Variants in TBC1D20 observed in about 807,000 individuals in gnomAD.
The protein encoded by TBC1D20 is TBC1 domain family member 20.
A neutral mutation model predicts 41.6 loss-of-function variants in TBC1D20; 12 were observed. The observed-to-expected ratio is 0.29, with a 90% CI of 0.18 to 0.47. The LOEUF is 0.47. Ranked by LOEUF, TBC1D20 falls within the 20% of genes least tolerant of loss-of-function variation. The pLI, the probability that TBC1D20 is intolerant of heterozygous loss-of-function variation, is 1.00. For missense variants in TBC1D20, 421 were observed against 517.4 expected (o/e 0.81, Z 1.81); for synonymous variants, 205 against 204.8 (o/e 1.00, Z -0.01).
intron 3 of TBC1D20, among the ~76,000 whole-genome samples, chr20:443,085 G>C (rs950192745): frequency 4.6e-5 from 7 of 152,110 alleles, no homozygotes; most frequent in Non-Finnish European, 8.8e-5. Flanking sequence ...GGGCGAGAGA[G>C]CAAGACTCCG....
intron 5 of TBC1D20, 77 bp downstream of exon 5, chr20:441,511 C>T: frequency 7.7e-7 from 1 of 1,296,128 alleles, no homozygotes; most frequent in South Asian, 1.2e-5. Context: ...CTGCGCTCGG[C>T]TTGTGAGGAG....
intron 5 of TBC1D20, 85 bp downstream of exon 5, chr20:441,501 CTG>C (rs781628279): frequency 2.0e-4 from 237 of 1,169,884 alleles, no homozygotes; most frequent in Non-Finnish European, 2.8e-4. Flanking sequence ...AATGAGGAAA[CTG>C]CGCTCGGCTT....
At chr20:442,149 T>C in intron 3 of TBC1D20, 106 bp from the exon 4 acceptor site, 1 of 1,082,986 alleles carries the variant, frequency 9.2e-7, no homozygotes, top group East Asian at 2.6e-5. Flanking sequence ...GAAAATGAAT[T>C]ACAAATAATT....
chr20:452,810 C>G (rs1332994969), intron 1 of TBC1D20, among the ~76,000 whole-genome samples: 3 of 152,164 alleles, frequency 2.0e-5, no homozygotes, highest in Non-Finnish European at 4.4e-5. Context: ...CAGCAATGTT[C>G]TAGTCTGAGG....
In TBC1D20 at chr20:445,071, A is replaced by G; in HGVS notation, c.316T>C (p.Ser106Pro). 6.2e-7 allele frequency: 1 copy of G among 1,605,228 alleles called. No homozygotes were observed. Among genetic ancestry groups the G allele is most frequent in the Non-Finnish European group, 8.5e-7 (1 of 1,174,864 alleles). ...TCACCAGGAGGGAACCGCCGCAATG[A>G]CCGCCGGACGTCCAGCAACACTTGT... is the stretch of plus-strand genomic sequence containing the variant. ...YQQVLLDVRR[S>P]LRRFPPGMPE... Residue 106 changes from serine (S) to proline (P), a missense_variant, in exon 3 of 8, where the codon TCA (serine) becomes CCA (proline). This residue lies in a region of TBC1D20 where 150 missense variants were observed against 151.3 expected (regional missense o/e 0.99). Coordinates refer to ENST00000354200, the MANE Select transcript of TBC1D20 (RefSeq NM_144628.4).
At chr20:441,535 G>T (rs1600329838) in intron 5 of TBC1D20, 53 bp downstream of exon 5, 2 of 1,449,552 alleles carry the variant, frequency 1.4e-6, no homozygotes, top group East Asian at 4.5e-5. Flanking sequence ...TTCAGGTGTG[G>T]GGGGGTGTGG....
chr20:462,338 G>A lies in TBC1D20; in HGVS notation c.68C>T (p.Ala23Val). The change falls in exon 1 of 8, where the codon GCA becomes GTA. Residue 23 changes from alanine to valine, a missense_variant and splice_region_variant. Coordinates refer to ENST00000354200, the MANE Select transcript of TBC1D20 (RefSeq NM_144628.4). ...SGHWDGGAEK[A>V]DFNAKRKKKV... ...GGCGCCCCGGTCGGCTTCCGTACCT[G>A]CCTTCTCCGCGCCGCCGTCCCAGTG... 1 of 1,304,734 alleles carries A rather than the reference G, an allele frequency of 7.7e-7. No individual in the cohort carries two copies. Among genetic ancestry groups the A allele is most frequent in the Non-Finnish European group, 9.8e-7 (1 of 1,016,664 alleles). The allele number at this position is 1,304,734 out of a possible 1,614,324, so 80.8% of individuals were successfully genotyped here.
At position 441,843 on chromosome 20, in the gene TBC1D20, C is replaced by T. The variant is rs377574203; in HGVS notation, c.524+14G>A. 21 of 1,611,110 alleles carry T rather than the reference C, an allele frequency of 1.3e-5. No homozygotes were observed. The African/African-American group carries it at 2.7e-4, about 20-fold the overall frequency. On this transcript the variant is annotated intron_variant, in intron 4 of 7. Transcript: ENST00000354200. ...GAGTGATGCCCGTCGTCTTGTGTTC[C>T]TCTCTACTGGTACCTGAGGTGGTGG...
intron 1 of TBC1D20, among the ~76,000 whole-genome samples, chr20:459,965 G>A (rs142109898): frequency 0.012 from 1,822 of 152,146 alleles, 37 homozygotes; most frequent in African/African-American, 0.042. Flanking sequence ...CACTGGGAAG[G>A]GACGATAACA....
At chr20:456,593 C>T (rs1207315654) in intron 1 of TBC1D20, among the ~76,000 whole-genome samples, 2 of 152,152 alleles carry the variant, frequency 1.3e-5, no homozygotes, top group South Asian at 2.1e-4. Flanking sequence ...GACGGAGTTA[C>T]GCTCTTTGTT....
chr20:456,756 G>GGGT (rs1276967752), intron 1 of TBC1D20, among the ~76,000 whole-genome samples: 2 of 151,006 alleles, frequency 1.3e-5, no homozygotes, highest in Non-Finnish European at 2.9e-5. Flanking sequence ...AGTGGAGACG[G>GGGT]GGTTTTGCCA....
intron 3 of TBC1D20, among the ~76,000 whole-genome samples, chr20:442,957 G>T (rs1198690046): frequency 6.6e-6 from 1 of 152,064 alleles, no homozygotes; most frequent in East Asian, 1.9e-4. Context: ...AAAATTAGCT[G>T]GGCGTGGTGG....
chr20:462,174 C>A (rs1308379211), intron 1 of TBC1D20, among the ~76,000 whole-genome samples, 162 bp downstream of exon 1: 3 of 151,170 alleles, frequency 2.0e-5, no homozygotes, highest in Non-Finnish European at 4.4e-5. Flanking sequence ...CTCTCCTCAT[C>A]AGACGTGCCC....
intron 1 of TBC1D20, 37 bp from the exon 2 acceptor site, chr20:448,111 C>A (rs1452200698): frequency 1.3e-6 from 2 of 1,501,258 alleles, no homozygotes; most frequent in Admixed American, 3.4e-5. Context: ...GGCGCACATT[C>A]AGCACGTGCA....
At position 456,088 on chromosome 20, in the gene TBC1D20, C is replaced by T. The variant is rs142768091; in HGVS notation, c.70+6248G>A. ...ACCCCAGGATTTGGAGAGCAACCAG[C>T]CTGCACAACATGGCAAAACCTTGTC... is the stretch of plus-strand genomic sequence containing the variant. On this transcript the variant is annotated intron_variant, in intron 1 of 7. Coordinates refer to ENST00000354200, the MANE Select transcript of TBC1D20 (RefSeq NM_144628.4). Among the ~76,000 whole-genome samples, 82 of 152,212 alleles carry T rather than the reference C, an allele frequency of 5.4e-4. 1 individual carries two copies. The East Asian group carries it at 0.015, about 28-fold the overall frequency.
At chr20:455,685 C>A (rs1235919942) in intron 1 of TBC1D20, among the ~76,000 whole-genome samples, 3 of 151,046 alleles carry the variant, frequency 2.0e-5, no homozygotes, top group African/African-American at 7.3e-5. Context: ...GTAATCCCAG[C>A]ACTTTGGGAA....
intron 2 of TBC1D20, among the ~76,000 whole-genome samples, chr20:446,958 T>C (rs1354720230): frequency 1.4e-5 from 2 of 144,596 alleles, no homozygotes; most frequent in African/African-American, 2.6e-5. Context: ...TTTTTTTTTT[T>C]TTTTTTTTTG....
At chr20:440,562 G>GC in intron 5 of TBC1D20, 173 bp from the exon 6 acceptor site, 1 of 825,830 alleles carries the variant, frequency 1.2e-6, no homozygotes, top group Non-Finnish European at 1.8e-6. Context: ...AGTCTTTAAG[G>GC]TGTACCACAA....
chr20:456,397 G>A (rs936513891), intron 1 of TBC1D20, among the ~76,000 whole-genome samples: 1 of 152,178 alleles, frequency 6.6e-6, no homozygotes, highest in African/African-American at 2.4e-5. Flanking sequence ...TCATTCATCA[G>A]TCTGTCACTT....
Sources: allele counts gnomAD v4.1 joint callset (sites outside exome capture counted in the v4.1 genomes callset), GRCh38; gene constraint gnomAD v4.1.1; regional missense constraint gnomAD v4.1.1; transcripts MANE v1.5; gene names NCBI Gene and HGNC (gene_info 2026-07-23, HGNC 2026-07-21).